TNS3: variants seen among roughly 807,000 people sequenced by gnomAD.
TNS3 encodes tensin-3.
In TNS3, 45 loss-of-function variants were observed where a neutral mutation model predicts 140.9. That is an observed-to-expected ratio of 0.32 (90% confidence interval 0.25 to 0.41). TNS3 has a LOEUF of 0.41. TNS3 is among the 10% of genes least tolerant of loss of function. TNS3 has a pLI of 1.00. For synonymous variants in TNS3, 815 were observed against 788.4 expected, an observed-to-expected ratio of 1.03 and a Z score of -0.56; for missense variants, 1,716 against 1,906.7, an observed-to-expected ratio of 0.90 and a Z score of 1.86.
At chr7:47,514,819 C>T (rs1411174977) in intron 2 of TNS3, among the ~76,000 whole-genome samples, 1 of 152,150 alleles carries the variant, frequency 6.6e-6, no homozygotes, top group Non-Finnish European at 1.5e-5. Flanking sequence ...AAACTTGTAA[C>T]TTTTGGGGCC....
intron 4 of TNS3, among the ~76,000 whole-genome samples, chr7:47,465,929 T>TAAAC (rs567239095): frequency 2.4e-5 from 3 of 126,686 alleles, no homozygotes; most frequent in African/African-American, 8.1e-5. Context: ...CGTCTAAAAA[T>TAAAC]AAATAAATAA....
intron 3 of TNS3, among the ~76,000 whole-genome samples, chr7:47,486,142 A>G (rs2941543): frequency 0.76 from 116,140 of 151,974 alleles, 45,048 homozygotes; most frequent in East Asian, 0.92. Flanking sequence ...ATCTGCAAAT[A>G]TATTCTTTTG....
At chr7:47,314,814 T>G (rs1442410821) in intron 20 of TNS3, among the ~76,000 whole-genome samples, 1 of 152,170 alleles carries the variant, frequency 6.6e-6, no homozygotes, top group Non-Finnish European at 1.5e-5. Context: ...GACAGGGGCA[T>G]CTGCGGAGGC....
chr7:47,506,857 A>C (rs1418226208), intron 3 of TNS3, 50 bp downstream of exon 3: 18 of 1,265,064 alleles, frequency 1.4e-5, no homozygotes, highest in Non-Finnish European at 1.7e-5. Context: ...CATTCAATGA[A>C]GGCCAAGTCA....
In TNS3 at chr7:47,365,923, A is replaced by G. The variant is rs146977296; in HGVS notation, c.2281+2442T>C. Among the ~76,000 whole-genome samples, 549 of 152,286 alleles carry G rather than the reference A, an allele frequency of 3.6e-3. 4 individuals are homozygous for G. Among genetic ancestry groups the G allele is most frequent in the African/African-American group, 0.01 (435 of 41,574 alleles). On this transcript the variant is annotated intron_variant, in intron 17 of 30. Coordinates refer to ENST00000311160, the MANE Select transcript of TNS3 (RefSeq NM_022748.12). ...CTAAGGATTGAATTCAATCAATTGG[A>G]AGACATATTAACCTCAAGAGACTAC...
chr7:47,460,674 C>T (rs1419059507), intron 4 of TNS3, among the ~76,000 whole-genome samples: 1 of 152,220 alleles, frequency 6.6e-6, no homozygotes, highest in East Asian at 1.9e-4. Flanking sequence ...CGGAATGGCC[C>T]CTAGCCACAC....
At chr7:47,285,913 G>A (rs9639980) in intron 27 of TNS3, among the ~76,000 whole-genome samples, 168 of 152,266 alleles carry the variant, frequency 1.1e-3, no homozygotes, top group African/African-American at 3.9e-3. Context: ...ATGGAAAGAC[G>A]TCATCAGCAA....
Position 47,344,831 on chromosome 7 carries a change from T to C in TNS3, c.2574A>G (p.Thr858=), listed in dbSNP as rs1318674625. 1 of 1,613,754 alleles carries C rather than the reference T, an allele frequency of 6.2e-7. No individual in the cohort carries two copies. Residue 858 remains threonine (T), a synonymous_variant, in exon 20 of 31, where the codon ACA becomes ACG. Coordinates refer to ENST00000311160, the MANE Select transcript of TNS3 (RefSeq NM_022748.12). ...PVSPETPYVK[T]ALRHPPFSPP... ...GGCTGAACGGAGGATGGCGCAGCGC[T>C]GTTTTCACTGGAAAAGAAAGCAGAG...
intron 15 of TNS3, among the ~76,000 whole-genome samples, chr7:47,399,554 T>C (rs79241472): frequency 0.052 from 7,883 of 152,064 alleles, 251 homozygotes; most frequent in Non-Finnish European, 0.061. Context: ...ACAAAGCATA[T>C]AAAAACATAA....
At chr7:47,337,449 A>G (rs1788695985) in intron 20 of TNS3, among the ~76,000 whole-genome samples, 1 of 152,222 alleles carries the variant, frequency 6.6e-6, no homozygotes, top group Admixed American at 6.5e-5. Context: ...ACTGCATACT[A>G]ATTAACAAGA....
At chr7:47,304,765 A>G (rs1786647106) in intron 21 of TNS3, 67 bp downstream of exon 21, 2 of 1,314,914 alleles carry the variant, frequency 1.5e-6, no homozygotes, top group East Asian at 5.6e-5. Context: ...CGCTGGTCCC[A>G]CATGCCTCTC....
At chr7:47,453,872 C>T (rs1271595708) in intron 4 of TNS3, among the ~76,000 whole-genome samples, 1 of 152,238 alleles carries the variant, frequency 6.6e-6, no homozygotes, top group Admixed American at 6.5e-5. Context: ...CACATCGTGT[C>T]CTCAGCTGTT....
intron 17 of TNS3, among the ~76,000 whole-genome samples, chr7:47,362,828 C>A (rs1306521370): frequency 6.6e-6 from 1 of 150,974 alleles, no homozygotes; most frequent in Non-Finnish European, 1.5e-5. Flanking sequence ...ACAGTCATAA[C>A]CATCATCACT....
intron 20 of TNS3, 46 bp downstream of exon 20, chr7:47,344,709 A>G (rs1252544072): frequency 2.6e-6 from 4 of 1,560,522 alleles, no homozygotes; most frequent in South Asian, 2.2e-5. Context: ...CCCGCGATGC[A>G]GCGCCTGAGT....
At chr7:47,576,311 C>A (rs1328079381) in intron 1 of TNS3, among the ~76,000 whole-genome samples, 1 of 152,014 alleles carries the variant, frequency 6.6e-6, no homozygotes, top group Non-Finnish European at 1.5e-5. Context: ...CCACGTGGCT[C>A]CCACCCCTGA....
intron 20 of TNS3, among the ~76,000 whole-genome samples, chr7:47,328,312 T>C (rs1020347526): frequency 2.0e-5 from 3 of 152,228 alleles, no homozygotes; most frequent in Non-Finnish European, 2.9e-5. Context: ...CAGACGGCCC[T>C]GGCCCCGCCT....
intron 1 of TNS3, among the ~76,000 whole-genome samples, chr7:47,569,566 C>T (rs531158507): frequency 1.3e-5 from 2 of 148,830 alleles, no homozygotes; most frequent in African/African-American, 5.0e-5. Flanking sequence ...ATACATATTA[C>T]ACAGGGACGG....
At chr7:47,535,296 T>C (rs1436393762) in intron 1 of TNS3, among the ~76,000 whole-genome samples, 8 of 152,270 alleles carry the variant, frequency 5.3e-5, no homozygotes, top group Admixed American at 5.2e-4. Context: ...AAAGAGGCAC[T>C]GTTTTCCTGC....
intron 1 of TNS3, among the ~76,000 whole-genome samples, chr7:47,556,213 A>G (rs4534060): frequency 0.98 from 149,216 of 152,316 alleles, 73,172 homozygotes; most frequent in Non-Finnish European, 1. Flanking sequence ...TTGACAATTG[A>G]GCAGTAAGAG....
Sources: allele counts gnomAD v4.1 joint callset (sites outside exome capture counted in the v4.1 genomes callset), GRCh38; gene constraint gnomAD v4.1.1; transcripts MANE v1.5; gene names NCBI Gene and HGNC (gene_info 2026-07-23, HGNC 2026-07-21).